FRAS1: variants seen among roughly 807,000 people sequenced by gnomAD.
The protein encoded by FRAS1 is extracellular matrix organizing protein FRAS1.
A neutral mutation model predicts 435.2 loss-of-function variants in FRAS1; 290 were observed. The ratio of observed to expected loss-of-function variants is 0.67; its 90% CI spans 0.61 to 0.73. The LOEUF (loss-of-function observed/expected upper bound fraction) is 0.73, where lower values mean the gene tolerates loss of function less well. Ranked by LOEUF, FRAS1 falls within the 30% of genes least tolerant of loss-of-function variation. The pLI is 0.00. For missense variants in FRAS1, 4,860 were observed against 5,001.5 expected (o/e 0.97, Z 0.85); for synonymous variants, 1,800 against 1,851.0 (o/e 0.97, Z 0.71).
At chr4:78,105,868 T>C (rs982577005) in intron 2 of FRAS1, among the ~76,000 whole-genome samples, 5 of 140,568 alleles carry the variant, frequency 3.6e-5, no homozygotes, top group South Asian at 2.2e-4. Flanking sequence ...TGCCAGACAG[T>C]GGGCGCAGGC....
rs1329461318 is a variant in FRAS1 at position 78,511,371 on chromosome 4, A to G, written c.9878A>G (p.Asn3293Ser). 6.2e-7 allele frequency: 1 copy of G among 1,613,950 alleles called. No individual in the cohort carries two copies. Among genetic ancestry groups the G allele is most frequent in the South Asian group, 1.1e-5 (1 of 91,082 alleles). ...CATGTGGGGACCCCCTTAAGGAGCA[A>G]CATTGTTACCATTGGAACAGACAGT... The part of the protein sequence containing the change: ...VGHVGTPLRS[N>S]IVTIGTDSAI... The change falls in exon 64 of 74, where the codon AAC becomes AGC. Residue 3293 changes from asparagine (N) to serine (S), a missense_variant. Asn to Ser is a conservative substitution (Grantham distance 46). Coordinates refer to ENST00000512123, the MANE Select transcript of FRAS1 (RefSeq NM_025074.7).
At chr4:78,509,868 G>C (rs777775270) in intron 63 of FRAS1, among the ~76,000 whole-genome samples, 2 of 152,216 alleles carry the variant, frequency 1.3e-5, no homozygotes, top group African/African-American at 2.4e-5. Flanking sequence ...AATGATTTTA[G>C]ACATCAGAGA....
intron 63 of FRAS1, 38 bp downstream of exon 63, chr4:78,509,044 G>A (rs943115738): frequency 1.9e-6 from 3 of 1,603,400 alleles, no homozygotes; most frequent in Non-Finnish European, 2.6e-6. Context: ...TCCCTCCCTG[G>A]GAGAGAACTG....
chr4:78,108,750 A>C (rs950932486), intron 2 of FRAS1, among the ~76,000 whole-genome samples: 1 of 92,196 alleles, frequency 1.1e-5, no homozygotes, highest in African/African-American at 4.7e-5. Flanking sequence ...AACTAAAATC[A>C]GAGCAGAACT....
At chr4:78,358,987 T>C (rs1392698043) in intron 20 of FRAS1, among the ~76,000 whole-genome samples, 2 of 152,188 alleles carry the variant, frequency 1.3e-5, no homozygotes, top group Non-Finnish European at 2.9e-5. Context: ...GAAAAAGCAC[T>C]AAAAGAAAAA....
intron 6 of FRAS1, among the ~76,000 whole-genome samples, chr4:78,264,142 G>A (rs1726241450): frequency 1.3e-5 from 2 of 152,154 alleles, no homozygotes; most frequent in South Asian, 4.2e-4. Context: ...TGCCTTTCAT[G>A]TCTCCTTTCC....
intron 45 of FRAS1, among the ~76,000 whole-genome samples, 183 bp from the exon 46 acceptor site, chr4:78,451,589 A>G (rs191159036): frequency 3.9e-5 from 6 of 152,340 alleles, no homozygotes; most frequent in Admixed American, 3.3e-4. Context: ...ATGAGAAAGT[A>G]GATGGTGGGA....
rs772032680 is a variant in FRAS1, at chr4:78,419,018, G to A, written c.4495G>A (p.Gly1499Arg). ...CTTCATAAACTCTGAGAAGCCAAGTGGAAAGATTGTCTACAACATCACTCT... is the reference window on the plus strand; with the variant it reads ...CTTCATAAACTCTGAGAAGCCAAGTAGAAAGATTGTCTACAACATCACTCT... ...LSFINSEKPS[G>R]KIVYNITLPL... The change falls in exon 33 of 74, where the codon GGA (glycine) becomes AGA (arginine). Residue 1499 changes from glycine (G) to arginine (R), a missense_variant. Transcript: ENST00000512123. 3 of 1,599,940 alleles carry A rather than the reference G, an allele frequency of 1.9e-6. No individual in the cohort carries two copies. The highest frequency in any genetic ancestry group is 1.7e-6 in the Non-Finnish European group (2 of 1,175,182).
chr4:78,527,317 T>TATTCATTC (rs56229743), intron 70 of FRAS1, among the ~76,000 whole-genome samples: 5,314 of 150,628 alleles, frequency 0.035, 134 homozygotes, highest in African/African-American at 0.062. Context: ...TTGTGCTGTA[T>TATTCATTC]ATTCATTCAT....
At position 78,252,461 on chromosome 4, in the gene FRAS1, C is replaced by G; in HGVS notation, c.379C>G (p.Pro127Ala). The G allele has an allele frequency of 6.2e-7, 1 of 1,613,706 alleles. No individual in the cohort carries two copies. Among genetic ancestry groups the G allele is most frequent in the Non-Finnish European group, 8.5e-7 (1 of 1,179,766 alleles). Residue 127 changes from proline to alanine, a missense_variant, in exon 5 of 74, where the codon CCC becomes GCC. Transcript: ENST00000512123. ...SCNHGEVRCTPQPCPPLSCGH... is the reference protein window; with the variant it reads ...SCNHGEVRCTAQPCPPLSCGH... ...CAATCATGGGGAAGTCCGATGTACC[C>G]CCCAACCATGCCCACCGCTGTCATG...
chr4:78,452,739 T>G (rs1055719623), intron 47 of FRAS1, among the ~76,000 whole-genome samples: 4 of 152,248 alleles, frequency 2.6e-5, no homozygotes, highest in African/African-American at 9.6e-5. Context: ...GCAAGTGTAC[T>G]GAGCAAGATT....
At chr4:78,154,027 T>A (rs952971943) in intron 2 of FRAS1, among the ~76,000 whole-genome samples, 1 of 152,178 alleles carries the variant, frequency 6.6e-6, no homozygotes, top group African/African-American at 2.4e-5. Flanking sequence ...TCAGCAGAAA[T>A]TTTTATTTCT....
At chr4:78,433,086 A>G (rs1734274881) in intron 38 of FRAS1, among the ~76,000 whole-genome samples, 1 of 152,194 alleles carries the variant, frequency 6.6e-6, no homozygotes, top group Non-Finnish European at 1.5e-5. Flanking sequence ...CCTCTCTGTC[A>G]GATTTCCCAG....
chr4:78,523,024 A>G (rs1721434991), intron 69 of FRAS1, among the ~76,000 whole-genome samples: 1 of 152,154 alleles, frequency 6.6e-6, no homozygotes, highest in Non-Finnish European at 1.5e-5. Flanking sequence ...GCAGTTAGCC[A>G]TGATGCCACC....
chr4:78,279,869 C>A (rs1179699401), intron 10 of FRAS1, among the ~76,000 whole-genome samples: 2 of 152,106 alleles, frequency 1.3e-5, no homozygotes, highest in Non-Finnish European at 2.9e-5. Flanking sequence ...GCCAAGGCCC[C>A]CAGTGGATGC....
At chr4:78,499,977 T>A (rs1000349642) in intron 61 of FRAS1, 56 bp downstream of exon 61, 1 of 1,332,972 alleles carries the variant, frequency 7.5e-7, no homozygotes, top group Non-Finnish European at 1.0e-6. Context: ...GGCAAAAATC[T>A]TGTATTTGAA....
intron 2 of FRAS1, among the ~76,000 whole-genome samples, chr4:78,174,043 T>A (rs1358443100): frequency 1.3e-5 from 2 of 152,226 alleles, no homozygotes; most frequent in Non-Finnish European, 1.5e-5. Context: ...GTGTCTCCTC[T>A]GTCTCCCGTG....
At chr4:78,063,400 G>T (rs956384934) in intron 1 of FRAS1, among the ~76,000 whole-genome samples, 5 of 152,204 alleles carry the variant, frequency 3.3e-5, no homozygotes, top group African/African-American at 1.2e-4. Flanking sequence ...TTTGGAAGCT[G>T]TGTTAATGGA....
intron 2 of FRAS1, among the ~76,000 whole-genome samples, chr4:78,199,531 T>A (rs1722960454): frequency 6.6e-6 from 1 of 152,230 alleles, no homozygotes; most frequent in Non-Finnish European, 1.5e-5. Context: ...TTTTCCAAAT[T>A]AGTAATTAAA....
Sources: allele counts gnomAD v4.1 joint callset (sites outside exome capture counted in the v4.1 genomes callset), GRCh38; gene constraint gnomAD v4.1.1; transcripts MANE v1.5; gene names NCBI Gene and HGNC (gene_info 2026-07-23, HGNC 2026-07-21).